Variants in ATP13A4 observed in about 807,000 individuals in gnomAD.
ATP13A4 encodes the protein probable cation-transporting ATPase 13A4.
Under a neutral mutation model 142.5 loss-of-function variants are expected in ATP13A4, and 114 were observed. That is an observed-to-expected ratio of 0.80 (90% confidence interval 0.69 to 0.93). The LOEUF is 0.93. ATP13A4 is among the 40% of genes least tolerant of loss of function. The pLI is 0.00. For missense variants in ATP13A4, 1,392 were observed against 1,454.0 expected, an observed-to-expected ratio of 0.96 and a Z score of 0.69; for synonymous variants, 488 against 514.8, an observed-to-expected ratio of 0.95 and a Z score of 0.70.
intron 18 of ATP13A4, among the ~76,000 whole-genome samples, chr3:193,444,975 T>A (rs1159962943): frequency 6.6e-6 from 1 of 152,172 alleles, no homozygotes; most frequent in Non-Finnish European, 1.5e-5. Context: ...AGATCCAGTG[T>A]TCGGGATAAA....
rs565136487 is a variant in ATP13A4, at chr3:193,493,104, C to A, written c.438G>T (p.Gln146His). ...IRYVWNYLEG[Q>H]FQKIGSLEDW... ...AAACAACTTACCCAATTTTCTGGAA[C>A]TGTCCTTCTAAGTAGTTCCAAACAT... is the stretch of plus-strand genomic sequence containing the variant. Residue 146 changes from glutamine (Q) to histidine (H), a missense_variant, in exon 4 of 30, where the codon CAG (glutamine) becomes CAT (histidine). Coordinates refer to ENST00000342695, the MANE Select transcript of ATP13A4 (RefSeq NM_032279.4). 6.8e-6 allele frequency: 11 copies of A among 1,613,352 alleles called. No individual in the cohort carries two copies. In the African/African-American group the frequency reaches 9.3e-5, roughly 14 times the overall value.
At chr3:193,457,341 G>A (rs1050262040) in intron 15 of ATP13A4, 38 bp downstream of exon 15, 2 of 1,606,220 alleles carry the variant, frequency 1.2e-6, no homozygotes, top group Admixed American at 3.3e-5. Flanking sequence ...TTCTCTTTGA[G>A]TTTGGGTGTT....
intron 29 of ATP13A4, among the ~76,000 whole-genome samples, chr3:193,406,677 AG>A (rs1476172147): frequency 6.6e-6 from 1 of 152,246 alleles, no homozygotes; most frequent in Non-Finnish European, 1.5e-5. Context: ...AAGCCGGAAA[AG>A]CTCACTATGA....
chr3:193,484,025 G>A lies in ATP13A4; in HGVS notation c.739-20C>T, dbSNP rs772669462. The A allele has an allele frequency of 6.3e-7, 1 of 1,576,246 alleles. No homozygotes were observed. The highest frequency in any genetic ancestry group is 1.3e-5 in the African/African-American group (1 of 74,150). ...AGATTGCTGAAAAAGAAGGAAAAAT[G>A]GAAAAGTCTTATCTATTTGAGCATA... On this transcript the variant is annotated intron_variant, in intron 7 of 29. Coordinates refer to ENST00000342695, the MANE Select transcript of ATP13A4 (RefSeq NM_032279.4).
At chr3:193,507,560 G>T (rs1460917742) in intron 2 of ATP13A4, among the ~76,000 whole-genome samples, 2 of 152,102 alleles carry the variant, frequency 1.3e-5, no homozygotes, top group Non-Finnish European at 2.9e-5. Context: ...ACACAATGAG[G>T]TTATTAACAA....
chr3:193,491,287 T>A (rs1719928706), intron 6 of ATP13A4, 42 bp downstream of exon 6: 1 of 1,457,784 alleles, frequency 6.9e-7, no homozygotes, highest in African/African-American at 1.4e-5. Flanking sequence ...CAAACTTCCT[T>A]ATTTTCTGTC....
Position 193,554,707 on chromosome 3 carries a change from G to A in ATP13A4, c.60+33C>T, listed in dbSNP as rs751557792. The A allele has an allele frequency of 1.9e-6, 3 of 1,608,138 alleles. No homozygotes were observed. The Admixed American group carries it at 5.0e-5, about 27-fold the overall frequency. The stretch of plus-strand genomic sequence containing the variant: ...GTGTGTCTCGCAGGCTGAGAAGTGG[G>A]ATGGGAAGAAGGGAATGTGGCTAGA... On this transcript the variant is annotated intron_variant, in intron 1 of 29. Coordinates refer to ENST00000342695, the MANE Select transcript of ATP13A4 (RefSeq NM_032279.4).
chr3:193,465,885 G>C (rs1473554591), intron 11 of ATP13A4, 140 bp downstream of exon 11: 2 of 937,634 alleles, frequency 2.1e-6, no homozygotes, highest in African/African-American at 3.3e-5. Context: ...CTGGGATCTG[G>C]AAGTCTATAC....
At chr3:193,578,186 G>A (rs534247234) in intron 2 of ATP13A4, among the ~76,000 whole-genome samples, 21 of 152,008 alleles carry the variant, frequency 1.4e-4, no homozygotes, top group Non-Finnish European at 2.2e-4. Context: ...CCAACTACTC[G>A]GGAGGCTGAG....
intron 25 of ATP13A4, among the ~76,000 whole-genome samples, chr3:193,419,317 T>G (rs1346526530): frequency 6.7e-6 from 1 of 150,190 alleles, no homozygotes; most frequent in Non-Finnish European, 1.5e-5. Context: ...CCTTGGAGCT[T>G]GAGATGACGC....
chr3:193,572,850 G>A (rs1417106350), intron 2 of ATP13A4, among the ~76,000 whole-genome samples: 2 of 151,878 alleles, frequency 1.3e-5, no homozygotes, highest in Admixed American at 6.6e-5. Flanking sequence ...TATAGGCCAG[G>A]TGCAGTGTGA....
rs981998997 is a variant in ATP13A4 at position 193,400,203 on chromosome 3, C to T, written c.*2449G>A. 7.9e-5 allele frequency among the ~76,000 whole-genome samples: 12 copies of T among 152,226 alleles called. 1 individual carries two copies. Among genetic ancestry groups the T allele is most frequent in the Admixed American group, 5.2e-4 (8 of 15,284 alleles). ...GTTTTCTTTCCAGGCTGGGCACTCCCTGTTCCTTCAATTACTGCTTCTAAG... is the reference window on the plus strand; with the variant it reads ...GTTTTCTTTCCAGGCTGGGCACTCCTTGTTCCTTCAATTACTGCTTCTAAG... On this transcript the variant is annotated 3_prime_UTR_variant, in exon 30 of 30. Coordinates refer to ENST00000342695, the MANE Select transcript of ATP13A4 (RefSeq NM_032279.4).
intron 16 of ATP13A4, among the ~76,000 whole-genome samples, chr3:193,455,197 C>T (rs1353020090): frequency 2.6e-5 from 4 of 151,818 alleles, no homozygotes; most frequent in East Asian, 3.9e-4. Context: ...AAAAATTAGC[C>T]GGGCGAGGTG....
chr3:193,408,413 TA>T (rs1442057506), intron 28 of ATP13A4, among the ~76,000 whole-genome samples: 2 of 152,190 alleles, frequency 1.3e-5, no homozygotes. Flanking sequence ...TGCATTTACA[TA>T]AAATATTATA....
Position 193,499,876 on chromosome 3 carries a change from A to G in ATP13A4, c.381+2617T>C, listed in dbSNP as rs941995703. 1.5e-4 allele frequency among the ~76,000 whole-genome samples: 23 copies of G among 152,208 alleles called. 1 individual carries two copies. Among genetic ancestry groups the G allele is most frequent in the African/African-American group, 4.6e-4 (19 of 41,454 alleles). The stretch of plus-strand genomic sequence containing the variant: ...AACATCTGTAGATGAACGCAGCAAT[A>G]ATGAGAAATAAAGAGGCTACTGATA... On this transcript the variant is annotated intron_variant, in intron 3 of 29. Coordinates refer to ENST00000342695, the MANE Select transcript of ATP13A4 (RefSeq NM_032279.4).
exon 2 of ATP13A4, chr3:193,581,784 GC>G (rs2108746684): frequency 6.6e-6 from 1 of 152,198 alleles, no homozygotes; most frequent in African/African-American, 2.4e-5. Context: ...AGGCCTCCCA[GC>G]AAAATCTGGT....
intron 1 of ATP13A4, among the ~76,000 whole-genome samples, chr3:193,551,413 C>A (rs115287560): frequency 0.032 from 4,755 of 147,960 alleles, 79 homozygotes; most frequent in East Asian, 0.05. Context: ...CTCCGTGTAA[C>A]AAAAAGAAAA....
At chr3:193,414,855 A>G in intron 25 of ATP13A4, 105 bp from the exon 26 acceptor site, 1 of 1,067,434 alleles carries the variant, frequency 9.4e-7, no homozygotes, top group Non-Finnish European at 1.4e-6. Context: ...GAAATGGACA[A>G]ACTGGAGTAC....
chr3:193,477,287 T>C (rs1354141828), intron 8 of ATP13A4, among the ~76,000 whole-genome samples: 1 of 152,080 alleles, frequency 6.6e-6, no homozygotes, highest in Non-Finnish European at 1.5e-5. Context: ...TCAAATAAAA[T>C]ATAATATCTG....
Sources: gnomAD v4.1 joint callset for allele counts (sites outside exome capture counted in the v4.1 genomes callset) on GRCh38, gnomAD v4.1.1 for gene constraint, MANE v1.5 for transcripts, NCBI Gene and HGNC (gene_info 2026-07-23, HGNC 2026-07-21) for gene names.